Variants in RNASET2 observed in about 807,000 individuals in gnomAD.
RNASET2 encodes the protein ribonuclease 6.
In RNASET2, 28 loss-of-function variants were observed where a neutral mutation model predicts 33.9. The ratio of observed to expected loss-of-function variants is 0.83; its 90% confidence interval spans 0.61 to 1.13. The LOEUF is 1.13. Ranked by LOEUF, RNASET2 falls within the 50% of genes most tolerant of loss-of-function variation. The pLI, the probability that RNASET2 is intolerant of heterozygous loss-of-function variation, is 0.00. For synonymous variants in RNASET2, 123 were observed against 121.0 expected, an observed-to-expected ratio of 1.02 and a Z score of -0.11; for missense variants, 330 against 319.9, an observed-to-expected ratio of 1.03 and a Z score of -0.24.
chr6:166,945,984 C>T (rs541610366), intron 4 of RNASET2, among the ~76,000 whole-genome samples: 58 of 152,320 alleles, frequency 3.8e-4, no homozygotes, highest in Non-Finnish European at 7.5e-4. Flanking sequence ...TCAGTTACCA[C>T]CCCCTCCCTG....
At position 166,954,218 on chromosome 6, in the gene RNASET2, A is replaced by C. The variant is rs1161606828; in HGVS notation, c.87-1670T>G. On this transcript the variant is annotated intron_variant, in intron 1 of 8. Transcript: ENST00000508775. ...CACCAAGGTCTCAAAACCAGTTAGA[A>C]CTTGGGAAAATGCCCGCTGACCTAT... 1.3e-5 allele frequency among the ~76,000 whole-genome samples: 2 copies of C among 152,166 alleles called. 1 individual carries two copies. Among genetic ancestry groups the C allele is most frequent in the East Asian group, 3.9e-4 (2 of 5,194 alleles).
rs892898086 is a variant in RNASET2 at position 166,929,097 on chromosome 6, C to T, written c.*491G>A. ...AACAACGGAGCAGCTGGCTAAGGAA[C>T]GATGTCCTGGGGCTCTGGTCACATG... On this transcript the variant is annotated 3_prime_UTR_variant, in exon 9 of 9. Coordinates refer to ENST00000508775, the MANE Select transcript of RNASET2 (RefSeq NM_003730.6). Among the ~76,000 whole-genome samples the T allele has an allele frequency of 7.9e-5, 12 of 152,248 alleles. No individual in the cohort carries two copies. The highest frequency in any genetic ancestry group is 2.2e-4 in the African/African-American group (9 of 41,462).
intron 6 of RNASET2, among the ~76,000 whole-genome samples, chr6:166,937,719 G>A (rs1215482905): frequency 6.6e-6 from 1 of 152,220 alleles, no homozygotes; most frequent in Non-Finnish European, 1.5e-5. Context: ...AAAAGAGCTA[G>A]AGGTTAGATA....
At chr6:166,930,610 A>G (rs1207188820) in intron 8 of RNASET2, among the ~76,000 whole-genome samples, 1 of 150,876 alleles carries the variant, frequency 6.6e-6, no homozygotes, top group Non-Finnish European at 1.5e-5. Flanking sequence ...ACATGCATGT[A>G]CATGCACACA....
At position 166,953,879 on chromosome 6, in the gene RNASET2, C is replaced by CAAAAAA. The variant is rs548523987; in HGVS notation, c.87-1337_87-1332dup. 6.3e-5 allele frequency among the ~76,000 whole-genome samples: 7 copies of CAAAAAA among 110,738 alleles called. No individual in the cohort carries two copies. In the Admixed American group the frequency reaches 6.8e-4, roughly 11 times the overall value. 72.6% of individuals were successfully genotyped at this position (110,738 alleles called of 152,430 possible). On this transcript the variant is annotated intron_variant, in intron 1 of 8. Transcript: ENST00000508775. ...TGGGCTACACAGCCAGACCCTGTCT[C>CAAAAAA]AAAAAAAAAAAAAAAGGATGAGCTG... is the stretch of plus-strand genomic sequence containing the variant.
chr6:166,949,670 A>C (rs1374549083), intron 2 of RNASET2, among the ~76,000 whole-genome samples: 1 of 152,146 alleles, frequency 6.6e-6, no homozygotes, highest in East Asian at 1.9e-4. Flanking sequence ...AAAACCTGTA[A>C]CTTCACCTCT....
Position 166,923,661 on chromosome 6 carries a change from CA to C in RNASET2, c.*5926del, listed in dbSNP as rs369585621. ...TCAGAAAAAAAATGACATAAAACTG[CA>C]TTTCTCATCATCTGTCAGAGATTTT... On this transcript the variant is annotated 3_prime_UTR_variant, in exon 9 of 9. Transcript: ENST00000508775. Among the ~76,000 whole-genome samples the C allele has an allele frequency of 5.3e-4, 81 of 152,186 alleles. No individual in the cohort carries two copies. The highest frequency in any genetic ancestry group is 1.9e-3 in the African/African-American group (78 of 41,504).
rs1778250300 is a variant in RNASET2 at position 166,922,539 on chromosome 6, T to C, written c.*7049A>G. ...GAGTCCACTCAAATGTCTCTTCCCA[T>C]GGCTGAGTCTATTCTGCTCTAAAAC... is the stretch of plus-strand genomic sequence containing the variant. On this transcript the variant is annotated 3_prime_UTR_variant, in exon 9 of 9. Coordinates refer to ENST00000508775, the MANE Select transcript of RNASET2 (RefSeq NM_003730.6). Among the ~76,000 whole-genome samples, 1 of 152,220 alleles carries C rather than the reference T, an allele frequency of 6.6e-6. No individual in the cohort carries two copies. Among genetic ancestry groups the C allele is most frequent in the Admixed American group, 6.5e-5 (1 of 15,280 alleles).
chr6:166,948,687 C>G, intron 2 of RNASET2, 62 bp from the exon 3 acceptor site: 1 of 982,690 alleles, frequency 1.0e-6, no homozygotes, highest in South Asian at 1.3e-5. Context: ...CACTTAGGAA[C>G]CCTATTAAAA....
At chr6:166,939,103 G>T in intron 5 of RNASET2, 95 bp from the exon 6 acceptor site, 1 of 881,862 alleles carries the variant, frequency 1.1e-6, no homozygotes, top group South Asian at 1.3e-5. Flanking sequence ...GGAGGCTGAA[G>T]GGGGTGGATC....
chr6:166,929,490 C>G lies in RNASET2; in HGVS notation c.*98G>C. On this transcript the variant is annotated 3_prime_UTR_variant, in exon 9 of 9. Transcript: ENST00000508775. ...ATTCACAGGCATGGAGGGGAAACAGCAAAATAAACAGACTTCACTTTGGAG... is the reference window on the plus strand; with the variant it reads ...ATTCACAGGCATGGAGGGGAAACAGGAAAATAAACAGACTTCACTTTGGAG... 1 of 1,301,350 alleles carries G rather than the reference C, an allele frequency of 7.7e-7. No homozygotes were observed. The highest frequency in any genetic ancestry group is 1.1e-6 in the Non-Finnish European group (1 of 899,476). 80.6% of individuals were successfully genotyped at this position (1,301,350 alleles called of 1,614,324 possible).
intron 4 of RNASET2, among the ~76,000 whole-genome samples, chr6:166,945,984 C>A (rs541610366): frequency 6.6e-5 from 10 of 152,202 alleles, no homozygotes; most frequent in Non-Finnish European, 1.3e-4. Flanking sequence ...TCAGTTACCA[C>A]CCCCTCCCTG....
chr6:166,956,503 C>T lies in RNASET2; in HGVS notation c.-321G>A. 2.4e-6 allele frequency: 1 copy of T among 420,768 alleles called. No individual in the cohort carries two copies. Among genetic ancestry groups the T allele is most frequent in the South Asian group, 2.5e-5 (1 of 40,330 alleles). The allele number at this position is 420,768 out of a possible 1,614,324, so 26.1% of individuals were successfully genotyped here. A position where few individuals can be genotyped will look rare whatever the true frequency, so the allele number is the denominator to read the frequency against. ...CGACCCACAGCGACCCCAGCTCCTC[C>T]ACGCTGCAGCCGCCGTCCGCCCACG... is the stretch of plus-strand genomic sequence containing the variant. On this transcript the variant is annotated 5_prime_UTR_variant, in exon 1 of 9. Coordinates refer to ENST00000508775, the MANE Select transcript of RNASET2 (RefSeq NM_003730.6).
intron 5 of RNASET2, among the ~76,000 whole-genome samples, chr6:166,940,878 CCACT>C (rs1446913320): frequency 2.0e-5 from 3 of 152,060 alleles, no homozygotes; most frequent in African/African-American, 7.2e-5. Flanking sequence ...GCTCACCCAC[CCACT>C]GTCACCCAGC....
Position 166,953,067 on chromosome 6 carries a change from C to A in RNASET2, c.87-519G>T, listed in dbSNP as rs75744676. The A allele has an allele frequency of 5.9e-3, 1,205 of 205,414 alleles. 37 individuals are homozygous for A. In the East Asian group the frequency reaches 0.086, roughly 15 times the overall value. 12.7% of individuals were successfully genotyped at this position (205,414 alleles called of 1,614,324 possible). ...TTTTTAGACTTCACTTGCTTCTCTGCAGAATTTGTGTCATTTGATTTTAGG... is the reference window on the plus strand; with the variant it reads ...TTTTTAGACTTCACTTGCTTCTCTGAAGAATTTGTGTCATTTGATTTTAGG... On this transcript the variant is annotated intron_variant, in intron 1 of 8. Transcript: ENST00000508775.
rs1554266611 is a variant in RNASET2 at position 166,926,305 on chromosome 6, A to G, written c.*3283T>C. Among the ~76,000 whole-genome samples, 1 of 151,958 alleles carries G rather than the reference A, an allele frequency of 6.6e-6. No homozygotes were observed. The highest frequency in any genetic ancestry group is 1.5e-5 in the Non-Finnish European group (1 of 67,974). ...ATAATCCTAGCACTCTGGGAGGCTG[A>G]GGCAGGCAGATCACCTGAGGTCAGG... On this transcript the variant is annotated 3_prime_UTR_variant, in exon 9 of 9. Coordinates refer to ENST00000508775, the MANE Select transcript of RNASET2 (RefSeq NM_003730.6).
intron 3 of RNASET2, among the ~76,000 whole-genome samples, chr6:166,948,237 T>G (rs1344638460): frequency 3.3e-5 from 5 of 151,910 alleles, no homozygotes; most frequent in Admixed American, 3.3e-4. Flanking sequence ...TTCCAGCTAC[T>G]TGGGAGGCTG....
chr6:166,938,604 C>G (rs372454377), intron 6 of RNASET2: 2 of 669,588 alleles, frequency 3.0e-6, no homozygotes, highest in Non-Finnish European at 5.7e-6. Flanking sequence ...ACGGCACATG[C>G]TGGTTGGAGT....
chr6:166,930,053 C>G (rs1778382754), intron 8 of RNASET2, among the ~76,000 whole-genome samples: 1 of 152,148 alleles, frequency 6.6e-6, no homozygotes, highest in Non-Finnish European at 1.5e-5. Flanking sequence ...CAGAGGCCAG[C>G]CTGGTGCCCT....
Sources: gnomAD v4.1 joint callset for allele counts (sites outside exome capture counted in the v4.1 genomes callset) on GRCh38, gnomAD v4.1.1 for gene constraint, MANE v1.5 for transcripts, NCBI Gene and HGNC (gene_info 2026-07-23, HGNC 2026-07-21) for gene names.